GRIK2: variants seen among roughly 807,000 people sequenced by gnomAD.
GRIK2 encodes the protein glutamate ionotropic receptor kainate type subunit 2.
GRIK2 carries 32 observed loss-of-function variants against 100.3 expected under a neutral mutation model. The observed-to-expected ratio is 0.32, with a 90% CI of 0.24 to 0.43. The LOEUF is 0.43. Ranked by LOEUF, GRIK2 falls within the 20% of genes least tolerant of loss-of-function variation. The probability of loss-of-function intolerance (pLI) is 1.00; values close to 1 mark genes in which losing one functional copy is unlikely to be tolerated. For missense variants in GRIK2, 843 were observed against 1,114.9 expected, an observed-to-expected ratio of 0.76 and a Z score of 3.47; for synonymous variants, 417 against 389.4, an observed-to-expected ratio of 1.07 and a Z score of -0.83.
At chr6:101,929,573 G>A (rs1790129712) in intron 14 of GRIK2, among the ~76,000 whole-genome samples, 2 of 152,104 alleles carry the variant, frequency 1.3e-5, no homozygotes, top group South Asian at 4.1e-4. Context: ...ACGACACATT[G>A]AGTATTCTAA....
At chr6:101,750,607 C>G (rs1185911166) in intron 7 of GRIK2, among the ~76,000 whole-genome samples, 1 of 152,170 alleles carries the variant, frequency 6.6e-6, no homozygotes, top group Non-Finnish European at 1.5e-5. Flanking sequence ...AGTAACAAGA[C>G]TTATCAATAT....
At chr6:101,517,081 G>T (rs1774624065) in intron 2 of GRIK2, among the ~76,000 whole-genome samples, 3 of 151,968 alleles carry the variant, frequency 2.0e-5, no homozygotes, top group African/African-American at 4.8e-5. Context: ...ATTAAATTAA[G>T]GTACTTATCT....
chr6:101,756,784 T>G (rs2128387601), intron 7 of GRIK2, among the ~76,000 whole-genome samples: 1 of 152,308 alleles, frequency 6.6e-6, no homozygotes, highest in Non-Finnish European at 1.5e-5. Flanking sequence ...AAGTAGGCTT[T>G]AATGTACTAG....
chr6:101,412,431 A>G (rs954754434), intron 2 of GRIK2, among the ~76,000 whole-genome samples: 2 of 152,024 alleles, frequency 1.3e-5, no homozygotes, highest in African/African-American at 4.8e-5. Flanking sequence ...GAGACACTTT[A>G]CTGACAGTAT....
intron 2 of GRIK2, among the ~76,000 whole-genome samples, chr6:101,614,399 GT>G (rs908262684): frequency 6.6e-6 from 1 of 151,584 alleles, no homozygotes. Flanking sequence ...TATTTTTCCA[GT>G]TTTTTGTTTA....
chr6:101,527,078 C>A (rs1582645387), intron 2 of GRIK2, among the ~76,000 whole-genome samples: 1 of 152,118 alleles, frequency 6.6e-6, no homozygotes. Context: ...AGAGAGTGGA[C>A]AGATTATAAA....
intron 14 of GRIK2, among the ~76,000 whole-genome samples, chr6:101,955,014 C>T (rs1791826944): frequency 6.6e-6 from 1 of 151,954 alleles, no homozygotes; most frequent in South Asian, 2.1e-4. Flanking sequence ...TTTGTTTGTG[C>T]ACTTTAAAAC....
chr6:101,461,238 T>C (rs545437663), intron 2 of GRIK2, among the ~76,000 whole-genome samples: 1 of 152,368 alleles, frequency 6.6e-6, no homozygotes, highest in African/African-American at 2.4e-5. Context: ...TTTATCTTGC[T>C]GTTCTGTAGG....
At chr6:101,740,921 C>T (rs918577099) in intron 7 of GRIK2, among the ~76,000 whole-genome samples, 8 of 152,178 alleles carry the variant, frequency 5.3e-5, no homozygotes, top group Non-Finnish European at 8.8e-5. Flanking sequence ...CACTAGATCC[C>T]ACTCCAACAT....
intron 12 of GRIK2, among the ~76,000 whole-genome samples, chr6:101,891,301 A>G (rs1046364563): frequency 3.3e-5 from 5 of 151,816 alleles, no homozygotes; most frequent in Non-Finnish European, 7.4e-5. Context: ...GGCGGATCAC[A>G]AAGTCAGGAG....
At chr6:101,509,926 A>G (rs1562190114) in intron 2 of GRIK2, among the ~76,000 whole-genome samples, 1 of 152,206 alleles carries the variant, frequency 6.6e-6, no homozygotes, top group Non-Finnish European at 1.5e-5. Flanking sequence ...AAAAAGAACC[A>G]AATATTCATA....
intron 2 of GRIK2, among the ~76,000 whole-genome samples, chr6:101,475,017 T>C (rs1185799121): frequency 1.3e-5 from 2 of 151,844 alleles, no homozygotes; most frequent in Admixed American, 1.3e-4. Context: ...ATTACATGGA[T>C]CATTTGTGCT....
At chr6:101,597,632 G>T (rs545053682) in intron 2 of GRIK2, among the ~76,000 whole-genome samples, 1 of 151,730 alleles carries the variant, frequency 6.6e-6, no homozygotes, top group Non-Finnish European at 1.5e-5. Context: ...TTTGTTGAAT[G>T]AATTAATTTA....
At chr6:101,469,886 TC>T (rs1403506606) in intron 2 of GRIK2, among the ~76,000 whole-genome samples, 15 of 152,160 alleles carry the variant, frequency 9.9e-5, no homozygotes, top group African/African-American at 3.4e-4. Flanking sequence ...AAGACTTGGG[TC>T]CTCTCTGTTG....
intron 5 of GRIK2, among the ~76,000 whole-genome samples, chr6:101,679,069 C>T (rs572685893): frequency 2.0e-5 from 3 of 152,236 alleles, no homozygotes; most frequent in Admixed American, 2.0e-4. Flanking sequence ...AGCCAAGATC[C>T]TCTGAAGTAA....
intron 12 of GRIK2, 200 bp downstream of exon 12, chr6:101,890,063 T>C (rs962035686): frequency 1.6e-5 from 9 of 571,372 alleles, no homozygotes; most frequent in Admixed American, 6.2e-5. Context: ...ATGCTGGTTG[T>C]GTCAGTAAGC....
intron 4 of GRIK2, among the ~76,000 whole-genome samples, chr6:101,635,799 A>G (rs962716124): frequency 2.6e-5 from 4 of 152,214 alleles, no homozygotes; most frequent in Admixed American, 2.0e-4. Flanking sequence ...AACCACAATG[A>G]GATACCATCT....
At chr6:101,903,698 A>C (rs1314854344) in intron 12 of GRIK2, among the ~76,000 whole-genome samples, 1 of 151,674 alleles carries the variant, frequency 6.6e-6, no homozygotes, top group Non-Finnish European at 1.5e-5. Flanking sequence ...AATGTTGTAG[A>C]AAATAACTCT....
chr6:101,500,779 C>T (rs1773708207), intron 2 of GRIK2, among the ~76,000 whole-genome samples: 1 of 151,942 alleles, frequency 6.6e-6, no homozygotes, highest in Non-Finnish European at 1.5e-5. Flanking sequence ...TATTTCACAA[C>T]CAGGGTTTAG....
Sources: gnomAD v4.1 joint callset for allele counts (sites outside exome capture counted in the v4.1 genomes callset) on GRCh38, gnomAD v4.1.1 for gene constraint, MANE v1.5 for transcripts, NCBI Gene and HGNC (gene_info 2026-07-23, HGNC 2026-07-21) for gene names.